PLCD4: variants seen among roughly 807,000 people sequenced by gnomAD.
The protein encoded by PLCD4 is 1-phosphatidylinositol 4,5-bisphosphate phosphodiesterase delta-4.
PLCD4 carries 63 observed loss-of-function variants against 90.2 expected under a neutral mutation model. That is an observed-to-expected ratio of 0.70 (90% CI 0.57 to 0.86). The LOEUF is 0.86. Among genes scored for constraint, PLCD4 ranks in the 40% least tolerant of loss-of-function variants. The pLI, the probability that PLCD4 is intolerant of heterozygous loss-of-function variation, is 0.00. For missense variants in PLCD4, 830 were observed against 956.3 expected, an observed-to-expected ratio of 0.87 and a Z score of 1.74; for synonymous variants, 294 against 356.5, an observed-to-expected ratio of 0.82 and a Z score of 1.97.
In PLCD4 at chr2:218,633,681, C is replaced by T; in HGVS notation, c.1526C>T (p.Thr509Ile). 1.2e-6 allele frequency: 2 copies of T among 1,613,638 alleles called. No individual in the cohort carries two copies. The highest frequency in any genetic ancestry group is 1.1e-5 in the South Asian group (1 of 91,082). ...YLKSVSFRSF[T>I]HSKEHYHFYE... ...AAGTCTGTCTCATTCCGCAGCTTCA[C>T]ACATTCAAAGGAGCACTACCACTTC... is the stretch of plus-strand genomic sequence containing the variant. The change falls in exon 11 of 16, where the codon ACA (threonine) becomes ATA (isoleucine). Residue 509 changes from threonine (T) to isoleucine (I), a missense_variant. Coordinates refer to ENST00000450993, the MANE Select transcript of PLCD4 (RefSeq NM_032726.4).
At chr2:218,612,922 G>A (rs57789048) in intron 1 of PLCD4, among the ~76,000 whole-genome samples, 2,857 of 152,296 alleles carry the variant, frequency 0.019, 95 homozygotes, top group African/African-American at 0.065. Context: ...CTAATAGGCT[G>A]TGTGACCTGA....
rs764708847 is a variant in PLCD4 at position 218,616,057 on chromosome 2, C to A, written c.176C>A (p.Pro59His). The change falls in exon 3 of 16, where the codon CCC (proline) becomes CAC (histidine). Residue 59 changes from proline (P) to histidine (H), a missense_variant. Physicochemically the swap from Pro to His is moderately conservative, Grantham distance 77 (BLOSUM62 -2). Transcript: ENST00000450993. ...HARQARGSAK[P>H]SFSISDVETI... is the part of the protein sequence containing the mutation. ...CGGCAGGCCAGGGGCAGTGCCAAGCCCAGCTGTGAGTGACCTGGATAGTGG... is the reference window on the plus strand; with the variant it reads ...CGGCAGGCCAGGGGCAGTGCCAAGCACAGCTGTGAGTGACCTGGATAGTGG... 6.2e-6 allele frequency: 10 copies of A among 1,613,168 alleles called. No homozygotes were observed. Among genetic ancestry groups the A allele is most frequent in the Non-Finnish European group, 8.5e-6 (10 of 1,179,654 alleles).
intron 1 of PLCD4, among the ~76,000 whole-genome samples, chr2:218,614,018 CTT>C (rs71036590): frequency 3.5e-5 from 5 of 144,112 alleles, no homozygotes; most frequent in Non-Finnish European, 3.0e-5. Context: ...TCTTCTTCTT[CTT>C]TTTTTTTTTT....
chr2:218,634,631 G>C lies in PLCD4; in HGVS notation c.1896+1G>C. ...CAAAGCCCAGACTCTCTTAATCCAG[G>C]TACAGTGGAAATAAACTGTTGGGAA... On this transcript the variant is annotated splice_donor_variant, in intron 13 of 15. Transcript: ENST00000450993. LOFTEE classifies it high-confidence loss of function. The surrounding 1 kb of genome is among the most constrained non-coding windows in gnomAD (Gnocchi z 4.0). 2 of 1,612,746 alleles carry C rather than the reference G, an allele frequency of 1.2e-6. No homozygotes were observed. The highest frequency in any genetic ancestry group is 1.7e-6 in the Non-Finnish European group (2 of 1,179,412).
At chr2:218,608,192 C>G (rs545180434) in intron 1 of PLCD4, 122 bp downstream of exon 1, 1 of 152,560 alleles carries the variant, frequency 6.6e-6, no homozygotes, top group Non-Finnish European at 1.5e-5. Context: ...CTTTCCTCAT[C>G]CCAACAGCTC....
At chr2:218,613,659 GCT>G (rs1473032043) in intron 1 of PLCD4, among the ~76,000 whole-genome samples, 1 of 152,092 alleles carries the variant, frequency 6.6e-6, no homozygotes, top group Non-Finnish European at 1.5e-5. Context: ...AACCTCCTGG[GCT>G]CAAGTGAGCT....
At chr2:218,623,984 C>G (rs1311639036) in intron 6 of PLCD4, among the ~76,000 whole-genome samples, 1 of 152,114 alleles carries the variant, frequency 6.6e-6, no homozygotes, top group Non-Finnish European at 1.5e-5. Flanking sequence ...TGCCTGGCAT[C>G]TACGTACCTT....
At chr2:218,630,566 G>A in intron 8 of PLCD4, 84 bp from the exon 9 acceptor site, 1 of 1,507,282 alleles carries the variant, frequency 6.6e-7, no homozygotes, top group Non-Finnish European at 9.2e-7. Flanking sequence ...GAGTAAGTAG[G>A]GAGGCCTAGG....
In PLCD4 at chr2:218,616,960, A is replaced by AGAGAGAGAGAGAT. The variant is rs1553571996; in HGVS notation, c.181+910_181+911insTGAGAGAGAGAGA. On this transcript the variant is annotated intron_variant, in intron 3 of 15. Coordinates refer to ENST00000450993, the MANE Select transcript of PLCD4 (RefSeq NM_032726.4). The stretch of plus-strand genomic sequence containing the variant: ...GAGAGAGAGAGAGAGAGAGAGAGAG[A>AGAGAGAGAGAGAT]GAGAGAGAGAGAGAGAGAGAGAGAG... 1.1e-3 allele frequency among the ~76,000 whole-genome samples: 100 copies of AGAGAGAGAGAGAT among 92,648 alleles called. 6 individuals are homozygous for AGAGAGAGAGAGAT. Among genetic ancestry groups the AGAGAGAGAGAGAT allele is most frequent in the African/African-American group, 3.8e-3 (88 of 22,980 alleles). The allele number at this position is 92,648 out of a possible 152,430, so 60.8% of individuals were successfully genotyped here.
At chr2:218,622,199 C>G (rs1408956464) in intron 5 of PLCD4, 2 of 155,330 alleles carry the variant, frequency 1.3e-5, no homozygotes, top group African/African-American at 4.8e-5. Context: ...TTCACAGGTG[C>G]CTAGAACAAT....
chr2:218,632,085 A>G (rs1360733103), intron 9 of PLCD4, 51 bp from the exon 10 acceptor site: 1 of 1,513,468 alleles, frequency 6.6e-7, no homozygotes, highest in Non-Finnish European at 8.8e-7. Flanking sequence ...TGATTCCCAG[A>G]AGGACCCAAG....
At chr2:218,635,990 G>T in intron 14 of PLCD4, 59 bp downstream of exon 14, 1 of 1,610,864 alleles carries the variant, frequency 6.2e-7, no homozygotes, top group Non-Finnish European at 8.5e-7. Context: ...TTTCCTTCTA[G>T]TCTGTCTTCC....
In PLCD4 at chr2:218,618,704, G is replaced by A; in HGVS notation, c.307G>A (p.Asp103Asn). The A allele has an allele frequency of 1.2e-6, 2 of 1,613,740 alleles. No homozygotes were observed. The highest frequency in any genetic ancestry group is 1.7e-6 in the Non-Finnish European group (2 of 1,179,778). Residue 103 changes from aspartate (D) to asparagine (N), a missense_variant, in exon 4 of 16, where the codon GAC becomes AAC. Physicochemically the swap from Asp to Asn is conservative, Grantham distance 23. Coordinates refer to ENST00000450993, the MANE Select transcript of PLCD4 (RefSeq NM_032726.4). ...CTTCCATGGCCGCCGCTCCAACCTG[G>A]ACCTGATGGCCAACAGTGTTGAGGA... is the stretch of plus-strand genomic sequence containing the variant. ...IVFHGRRSNL[D>N]LMANSVEEAQ...
Position 218,616,081 on chromosome 2 carries a change from G to C in PLCD4, c.181+19G>C, listed in dbSNP as rs485765. The C allele has an allele frequency of 0.58, 934,070 of 1,610,780 alleles. 273,431 individuals carry two copies. The highest frequency in any genetic ancestry group is 0.78 in the East Asian group (35,112 of 44,800). On this transcript the variant is annotated intron_variant, in intron 3 of 15. Transcript: ENST00000450993. ...CCCAGCTGTGAGTGACCTGGATAGT[G>C]GGGGGTGGATACATGGGTGGATAGA...
Position 218,634,453 on chromosome 2 carries a change from C to T in PLCD4, c.1724-5C>T. 1 of 1,609,816 alleles carries T rather than the reference C, an allele frequency of 6.2e-7. No homozygotes were observed. Among genetic ancestry groups the T allele is most frequent in the South Asian group, 1.1e-5 (1 of 90,482 alleles). On this transcript the variant is annotated splice_region_variant and splice_polypyrimidine_tract_variant and intron_variant, in intron 12 of 15. Transcript: ENST00000450993. This position sits in a 1 kb window ranked among gnomAD's most constrained non-coding sequence, Gnocchi z 4.0. Reference sequence around the variant, plus strand: ...CTTGCTCTTCTTTTCTCCTGGGGCCCTCAGTGGCCATGAATATGCAGACTG... The same window carrying T: ...CTTGCTCTTCTTTTCTCCTGGGGCCTTCAGTGGCCATGAATATGCAGACTG...
intron 4 of PLCD4, among the ~76,000 whole-genome samples, chr2:218,619,489 T>G (rs537591269): frequency 1.4e-3 from 206 of 152,090 alleles, no homozygotes; most frequent in Admixed American, 2.8e-3. Flanking sequence ...GAGACGGGGT[T>G]TCACCATCTT....
rs1695944607 is a variant in PLCD4, at chr2:218,622,777, T to G, written c.671T>G (p.Leu224Arg). The change falls in exon 6 of 16, where the codon CTG (leucine) becomes CGG (arginine). Residue 224 changes from leucine (L) to arginine (R), a missense_variant. Physicochemically the swap from Leu to Arg is moderately radical, Grantham distance 102. Transcript: ENST00000450993. ...SFSADGQKLT[L>R]LEFLDFLQEE... ...TCAGCTGATGGGCAGAAGCTGACTCTGCTGGAATTTTTGGATTTCCTCCAA... is the reference window on the plus strand; with the variant it reads ...TCAGCTGATGGGCAGAAGCTGACTCGGCTGGAATTTTTGGATTTCCTCCAA... The G allele has an allele frequency of 6.2e-7, 1 of 1,614,020 alleles. No homozygotes were observed. The highest frequency in any genetic ancestry group is 1.3e-5 in the African/African-American group (1 of 75,044).
intron 4 of PLCD4, among the ~76,000 whole-genome samples, chr2:218,620,766 C>T (rs1456975702): frequency 1.3e-5 from 2 of 149,650 alleles, no homozygotes; most frequent in East Asian, 2.0e-4. Flanking sequence ...TGGTGGTGGG[C>T]GCCTGTAATC....
Position 218,618,780 on chromosome 2 carries a change from G to C in PLCD4, c.383G>C (p.Ser128Thr). Residue 128 changes from serine (S) to threonine (T), a missense_variant, in exon 4 of 16, where the codon AGC (serine) becomes ACC (threonine). Physicochemically the swap from Ser to Thr is moderately conservative, Grantham distance 58. Transcript: ENST00000450993. ...GLQLLVDLVT[S>T]MDHQERLDQW... ...CAGCTGTTGGTGGATCTTGTCACCA[G>C]CATGGACCATCAGGAGCGCCTGGAC... The C allele has an allele frequency of 6.3e-7, 1 of 1,599,330 alleles. No homozygotes were observed. Among genetic ancestry groups the C allele is most frequent in the Non-Finnish European group, 8.5e-7 (1 of 1,172,818 alleles).
Sources: gnomAD v4.1 joint callset for allele counts (sites outside exome capture counted in the v4.1 genomes callset) on GRCh38, gnomAD v4.1.1 for gene constraint, Gnocchi (gnomAD v3.1) non-coding constraint, MANE v1.5 for transcripts, NCBI Gene and HGNC (gene_info 2026-07-23, HGNC 2026-07-21) for gene names.